The following NLGN1 variants were observed in gnomAD, a reference collection of about 807,000 sequenced individuals.
NLGN1 encodes the protein neuroligin 1, also known as neuroligin-1.
In NLGN1, 12 loss-of-function variants were observed where a neutral mutation model predicts 65.5. The ratio of observed to expected loss-of-function variants is 0.18; its 90% CI spans 0.12 to 0.30. The LOEUF is 0.30. Among genes scored for constraint, NLGN1 ranks in the 10% least tolerant of loss-of-function variants. The pLI, the probability that NLGN1 is intolerant of heterozygous loss-of-function variation, is 1.00. For synonymous variants in NLGN1, 350 were observed against 359.5 expected, an observed-to-expected ratio of 0.97 and a Z score of 0.30; for missense variants, 750 against 1,007.1, an observed-to-expected ratio of 0.74 and a Z score of 3.46.
chr3:173,422,304 G>A (rs778555695), intron 1 of NLGN1, among the ~76,000 whole-genome samples: 22 of 152,128 alleles, frequency 1.4e-4, no homozygotes, highest in Admixed American at 7.9e-4. Context: ...TTACTCATAC[G>A]TGAGAGCTAA....
rs574298501 is a variant in NLGN1, at chr3:174,147,419, C to CTTTTTTT, written c.647-127871_647-127865dup. 1.3e-3 allele frequency among the ~76,000 whole-genome samples: 47 copies of CTTTTTTT among 36,264 alleles called. 5 individuals carry two copies. The highest frequency in any genetic ancestry group is 1.8e-3 in the African/African-American group (20 of 11,168). The allele number at this position is 36,264 out of a possible 152,430, so 23.8% of individuals were successfully genotyped here. A position where few individuals can be genotyped will look rare whatever the true frequency, so the allele number is the denominator to read the frequency against. On this transcript the variant is annotated intron_variant, in intron 4 of 6. Transcript: ENST00000457714. ...TGAATTTTTGTGTAATGGCTCATGG[C>CTTTTTTT]TTTTTTTTTTTTTTTTTTTTTTTTT...
At chr3:174,198,165 A>G (rs1379629828) in intron 4 of NLGN1, among the ~76,000 whole-genome samples, 1 of 152,208 alleles carries the variant, frequency 6.6e-6, no homozygotes, top group Admixed American at 6.5e-5. Context: ...GTAAGTAATA[A>G]TAGTAGTAAC....
chr3:173,464,650 C>T (rs2148901174), intron 2 of NLGN1, among the ~76,000 whole-genome samples: 1 of 151,976 alleles, frequency 6.6e-6, no homozygotes, highest in African/African-American at 2.4e-5. Context: ...GGTCAGGCTG[C>T]TCTCGAACTC....
At chr3:173,795,086 G>C (rs903065701) in intron 3 of NLGN1, among the ~76,000 whole-genome samples, 1 of 151,932 alleles carries the variant, frequency 6.6e-6, no homozygotes, top group Non-Finnish European at 1.5e-5. Flanking sequence ...TATGTCTGTT[G>C]CTTTCAGACC....
chr3:174,204,755 A>G (rs1391089265), intron 4 of NLGN1, among the ~76,000 whole-genome samples: 1 of 152,240 alleles, frequency 6.6e-6, no homozygotes, highest in Admixed American at 6.5e-5. Flanking sequence ...TTCATCTCTA[A>G]AACAGCTTAG....
intron 4 of NLGN1, among the ~76,000 whole-genome samples, chr3:173,808,873 A>T (rs1717261386): frequency 2.6e-5 from 4 of 152,142 alleles, no homozygotes; most frequent in Admixed American, 2.6e-4. Flanking sequence ...TCTTTTATCC[A>T]CGTTGAGAAT....
intron 2 of NLGN1, among the ~76,000 whole-genome samples, chr3:173,483,765 C>T (rs115229688): frequency 1.4e-3 from 216 of 152,216 alleles, no homozygotes; most frequent in African/African-American, 4.8e-3. Flanking sequence ...TAGGAAGATA[C>T]AGAAACTGTG....
At chr3:173,537,334 A>C (rs980737022) in intron 2 of NLGN1, among the ~76,000 whole-genome samples, 1 of 152,210 alleles carries the variant, frequency 6.6e-6, no homozygotes, top group African/African-American at 2.4e-5. Context: ...CAAACAGAGA[A>C]TACGCTAATT....
intron 3 of NLGN1, among the ~76,000 whole-genome samples, chr3:173,719,594 T>C (rs13092308): frequency 1.3e-5 from 2 of 151,794 alleles, no homozygotes; most frequent in Non-Finnish European, 2.9e-5. Context: ...GTTAAAAAGA[T>C]TTGGGAAATC....
intron 3 of NLGN1, among the ~76,000 whole-genome samples, chr3:173,692,079 C>T (rs1284389369): frequency 7.2e-5 from 11 of 151,930 alleles, no homozygotes. Context: ...GTAGCAGTTA[C>T]CAGGAAATAA....
intron 2 of NLGN1, among the ~76,000 whole-genome samples, chr3:173,444,947 T>C (rs1323264850): frequency 2.7e-5 from 4 of 146,810 alleles, no homozygotes; most frequent in Non-Finnish European, 4.5e-5. Context: ...AGGAATGCAA[T>C]ATGCAAGGAC....
chr3:173,419,553 G>T (rs1297687122), intron 1 of NLGN1, among the ~76,000 whole-genome samples: 1 of 152,144 alleles, frequency 6.6e-6, no homozygotes, highest in African/African-American at 2.4e-5. Flanking sequence ...AAATAACAGT[G>T]CTTGTGCAAG....
chr3:173,449,995 A>G (rs972013753), intron 2 of NLGN1, among the ~76,000 whole-genome samples: 6 of 152,256 alleles, frequency 3.9e-5, no homozygotes, highest in Middle Eastern at 3.4e-3. Context: ...CAGCACACAG[A>G]TGGGTGTTGA....
chr3:173,683,343 C>T (rs1016886730), intron 3 of NLGN1, among the ~76,000 whole-genome samples: 4 of 152,082 alleles, frequency 2.6e-5, no homozygotes, highest in Non-Finnish European at 5.9e-5. Flanking sequence ...TGTTTGAAAA[C>T]ACTGCTTTTA....
intron 3 of NLGN1, among the ~76,000 whole-genome samples, chr3:173,803,471 G>A (rs367768901): frequency 2.6e-5 from 4 of 152,076 alleles, no homozygotes; most frequent in African/African-American, 7.2e-5. Context: ...AGCCCAGCAT[G>A]GTGGCGAGCA....
intron 2 of NLGN1, among the ~76,000 whole-genome samples, chr3:173,536,483 C>T (rs1231697499): frequency 6.6e-6 from 1 of 152,186 alleles, no homozygotes; most frequent in Non-Finnish European, 1.5e-5. Context: ...GCAGTATTCT[C>T]AGTTGTGTTT....
At chr3:174,220,424 C>T (rs1453896801) in intron 4 of NLGN1, among the ~76,000 whole-genome samples, 3 of 152,054 alleles carry the variant, frequency 2.0e-5, no homozygotes, top group Non-Finnish European at 2.9e-5. Context: ...CTAGAGCTAA[C>T]GTGGTTGTTA....
At chr3:173,723,056 T>C (rs1771123337) in intron 3 of NLGN1, among the ~76,000 whole-genome samples, 1 of 152,180 alleles carries the variant, frequency 6.6e-6, no homozygotes, top group Admixed American at 6.5e-5. Context: ...GACGGGGACA[T>C]ATCACATAGA....
At chr3:174,026,062 T>G (rs952894025) in intron 4 of NLGN1, among the ~76,000 whole-genome samples, 3 of 152,212 alleles carry the variant, frequency 2.0e-5, no homozygotes, top group Non-Finnish European at 4.4e-5. Flanking sequence ...TATTTGATAC[T>G]AATAAATAGC....
Sources: allele counts gnomAD v4.1 joint callset (sites outside exome capture counted in the v4.1 genomes callset), GRCh38; gene constraint gnomAD v4.1.1; transcripts MANE v1.5; gene names NCBI Gene and HGNC (gene_info 2026-07-23, HGNC 2026-07-21).